Variants in ZNF875 observed in about 807,000 individuals in gnomAD.
ZNF875 encodes HKR1, GLI-Kruppel zinc finger family member.
Under a neutral mutation model 11.2 loss-of-function variants are expected in ZNF875, and 14 were observed. The observed-to-expected ratio is 1.26, with a 90% CI of 0.83 to 1.96. ZNF875 has a LOEUF of 1.96. Among genes scored for constraint, ZNF875 ranks in the 30% most tolerant of loss-of-function variants. The pLI, the probability that ZNF875 is intolerant of heterozygous loss-of-function variation, is 0.00. For missense variants in ZNF875, 752 were observed against 760.4 expected (o/e 0.99, Z 0.13); for synonymous variants, 301 against 281.1 (o/e 1.07, Z -0.71).
At chr19:37,318,703 A>G (rs896776380) in intron 1 of ZNF875, among the ~76,000 whole-genome samples, 21 of 151,882 alleles carry the variant, frequency 1.4e-4, no homozygotes, top group African/African-American at 4.3e-4. Context: ...TTGTATTTGT[A>G]GTAGAGACGG....
upstream of ZNF875, among the ~76,000 whole-genome samples, chr19:37,331,531 C>G (rs1413071597): frequency 6.7e-6 from 1 of 149,856 alleles, no homozygotes; most frequent in Admixed American, 6.7e-5. Flanking sequence ...CCCCCAACCC[C>G]GTGCTCTCTG....
chr19:37,322,978 C>A (rs73930939), intron 2 of ZNF875, among the ~76,000 whole-genome samples: 2 of 152,164 alleles, frequency 1.3e-5, no homozygotes, highest in African/African-American at 4.8e-5. Context: ...CCTCCCCCAC[C>A]CACTGCAAGC....
chr19:37,352,114 AC>A (rs1452631910), intron 4 of ZNF875, among the ~76,000 whole-genome samples: 2 of 152,112 alleles, frequency 1.3e-5, no homozygotes, highest in Non-Finnish European at 2.9e-5. Flanking sequence ...AATAATTGTT[AC>A]GTCTTCTTAT....
chr19:37,359,470 A>G, intron 4 of ZNF875: 1 of 283,434 alleles, frequency 3.5e-6, no homozygotes, highest in Non-Finnish European at 7.1e-6. Flanking sequence ...GTGGTGTTAT[A>G]TCGGCTCACT....
At position 37,363,380 on chromosome 19, in the gene ZNF875, G is replaced by A. The variant is rs1383238821; in HGVS notation, c.1528G>A (p.Glu510Lys). The A allele has an allele frequency of 6.2e-7, 1 of 1,613,778 alleles. No homozygotes were observed. Among genetic ancestry groups the A allele is most frequent in the Non-Finnish European group, 8.5e-7 (1 of 1,179,868 alleles). Residue 510 changes from glutamate to lysine, a missense_variant, in exon 5 of 5, where the codon GAG (glutamate) becomes AAG (lysine). Transcript: ENST00000392153. Reference sequence around the variant, plus strand: ...AGGGGAGAAGCCATTTGTATGTGCTGAGTGTGGACGAGGCTTTAATGATAA... The same window carrying A: ...AGGGGAGAAGCCATTTGTATGTGCTAAGTGTGGACGAGGCTTTAATGATAA... ...HSGEKPFVCA[E>K]CGRGFNDKST...
At chr19:37,317,352 A>C (rs563211923), upstream of ZNF875, among the ~76,000 whole-genome samples, 2 of 151,864 alleles carry the variant, frequency 1.3e-5, no homozygotes, top group South Asian at 4.2e-4. Flanking sequence ...ACGCCCGGCT[A>C]ATTTTTTGTA....
chr19:37,347,141 G>T, intron 2 of ZNF875, 49 bp from the exon 3 acceptor site: 1 of 1,612,528 alleles, frequency 6.2e-7, no homozygotes, highest in Non-Finnish European at 8.5e-7. Flanking sequence ...TAAAGTGTGG[G>T]AGGGAAAGAC....
chr19:37,334,168 G>A (rs1195998112), upstream of ZNF875, among the ~76,000 whole-genome samples: 2 of 152,114 alleles, frequency 1.3e-5, no homozygotes, highest in African/African-American at 4.8e-5. Context: ...TCCCTGTCCT[G>A]GTACACCCTC....
At chr19:37,351,266 G>A (rs1457804616) in intron 4 of ZNF875, among the ~76,000 whole-genome samples, 1 of 152,138 alleles carries the variant, frequency 6.6e-6, no homozygotes, top group African/African-American at 2.4e-5. Flanking sequence ...CTTTAAAAGT[G>A]TGTATATTTC....
chr19:37,323,809 A>G (rs1016985261), intron 3 of ZNF875, among the ~76,000 whole-genome samples: 19 of 152,174 alleles, frequency 1.2e-4, no homozygotes, highest in Admixed American at 7.9e-4. Flanking sequence ...TGAGGCCACA[A>G]ACTGAAGTGC....
intron 4 of ZNF875, among the ~76,000 whole-genome samples, chr19:37,327,925 C>A (rs1410160851): frequency 6.6e-6 from 1 of 151,916 alleles, no homozygotes; most frequent in African/African-American, 2.4e-5. Flanking sequence ...GATGAGGGAA[C>A]ACAATGTTAG....
At chr19:37,350,384 C>A (rs1401193849) in intron 4 of ZNF875, among the ~76,000 whole-genome samples, 4 of 152,034 alleles carry the variant, frequency 2.6e-5, no homozygotes, top group South Asian at 2.1e-4. Context: ...AGCCACTTTA[C>A]CTGATGCCCT....
At chr19:37,351,585 T>G (rs1400341993) in intron 4 of ZNF875, among the ~76,000 whole-genome samples, 1 of 152,204 alleles carries the variant, frequency 6.6e-6, no homozygotes, top group African/African-American at 2.4e-5. Flanking sequence ...AAGCCTTGCT[T>G]TAGCTGAATC....
chr19:37,342,409 AT>A (rs66638698), intron 2 of ZNF875, among the ~76,000 whole-genome samples: 583 of 135,740 alleles, frequency 4.3e-3, no homozygotes, highest in Non-Finnish European at 5.3e-3. Flanking sequence ...ATCCAACTGA[AT>A]TTTTTTTTTT....
chr19:37,350,425 T>A (rs2037653788), intron 4 of ZNF875, among the ~76,000 whole-genome samples: 1 of 152,036 alleles, frequency 6.6e-6, no homozygotes. Context: ...GTGAAATAAT[T>A]TGTCTCAATT....
In ZNF875 at chr19:37,329,262, C is replaced by T. The variant is rs570861349; in HGVS notation, c.-603+4997C>T. On this transcript the variant is annotated intron_variant, in intron 4 of 5. Coordinates refer to the ZNF875 transcript ENST00000544914. The stretch of plus-strand genomic sequence containing the variant: ...ATTTGAAGCATGTCTTTCAGAGCCT[C>T]GCACCACCCAGCTTGGGTATCTGGT... Among the ~76,000 whole-genome samples, 5 of 152,268 alleles carry T rather than the reference C, an allele frequency of 3.3e-5. No homozygotes were observed. In the East Asian group the frequency reaches 7.7e-4, roughly 24 times the overall value.
At chr19:37,361,662 G>T (rs1454066997) in intron 4 of ZNF875, among the ~76,000 whole-genome samples, 2 of 152,130 alleles carry the variant, frequency 1.3e-5, no homozygotes, top group Non-Finnish European at 2.9e-5. Context: ...AGTGGCTTAT[G>T]CCTGTAATCC....
At position 37,335,511 on chromosome 19, in the gene ZNF875, A is replaced by G. The variant is rs565870351; in HGVS notation, c.33+254A>G. On this transcript the variant is annotated intron_variant, in intron 2 of 4. Coordinates refer to ENST00000392153, the MANE Select transcript of ZNF875 (RefSeq NM_001353803.2). ...AATAAAAGACAAGAAACAAAAAAGT[A>G]TATTTGGAAGAAGGGGTCGGGGGCA... Among the ~76,000 whole-genome samples, 131 of 152,350 alleles carry G rather than the reference A, an allele frequency of 8.6e-4. 1 individual carries two copies. Among genetic ancestry groups the G allele is most frequent in the Non-Finnish European group, 1.7e-3 (113 of 68,036 alleles).
chr19:37,322,285 T>C (rs1364794324), intron 2 of ZNF875: 1 of 152,274 alleles, frequency 6.6e-6, no homozygotes, highest in Non-Finnish European at 1.5e-5. Context: ...CTTTGCCAAA[T>C]GGCCTTTTTA....
Sources: gnomAD v4.1 joint callset for allele counts (sites outside exome capture counted in the v4.1 genomes callset) on GRCh38, gnomAD v4.1.1 for gene constraint, MANE v1.5 for transcripts, NCBI Gene and HGNC (gene_info 2026-07-23, HGNC 2026-07-21) for gene names.